The following MGA variants were observed in gnomAD, a reference collection of about 807,000 sequenced individuals.
MGA encodes the protein MAX dimerization protein MGA, also known as MAX gene-associated protein.
In MGA, 40 loss-of-function variants were observed where a neutral mutation model predicts 261.1. The observed-to-expected ratio is 0.15, with a 90% confidence interval of 0.12 to 0.20. The LOEUF (loss-of-function observed/expected upper bound fraction) is 0.20, where lower values mean the gene tolerates loss of function less well. MGA is among the 10% of genes least tolerant of loss of function. The pLI is 1.00. For synonymous variants in MGA, 1,302 were observed against 1,290.6 expected (o/e 1.01, Z -0.19); for missense variants, 3,397 against 3,630.5 (o/e 0.94, Z 1.65).
chr15:41,720,296 G>A (rs886299841), intron 9 of MGA, among the ~76,000 whole-genome samples: 2 of 152,292 alleles, frequency 1.3e-5, no homozygotes, highest in African/African-American at 4.8e-5. Context: ...AGCACTTTGT[G>A]GGGCCAAGGC....
At chr15:41,658,751 G>A (rs1042094240), upstream of MGA, among the ~76,000 whole-genome samples, 4 of 149,814 alleles carry the variant, frequency 2.7e-5, no homozygotes, top group African/African-American at 4.9e-5. Context: ...TTAGTTATAT[G>A]TTTGCCTGGT....
Position 41,747,012 on chromosome 15 carries a change from T to C in MGA, c.5213-1625T>C, listed in dbSNP as rs371187478. Among the ~76,000 whole-genome samples the C allele has an allele frequency of 3.3e-5, 5 of 152,172 alleles. No homozygotes were observed. The South Asian group carries it at 1.0e-3, about 32-fold the overall frequency. On this transcript the variant is annotated intron_variant, in intron 15 of 23. Coordinates refer to ENST00000219905, the MANE Select transcript of MGA (RefSeq NM_001164273.2). ...AGATTACTCATACTGTTTTTTCCTA[T>C]GTCTTTAGTATTTCGAAATATGTCT...
At chr15:41,694,733 T>G (rs896426623) in intron 2 of MGA, among the ~76,000 whole-genome samples, 2 of 152,048 alleles carry the variant, frequency 1.3e-5, no homozygotes, top group Non-Finnish European at 2.9e-5. Context: ...AGGATGGTCT[T>G]GATCTCCTGA....
chr15:41,674,646 A>G (rs541628280), intron 2 of MGA, among the ~76,000 whole-genome samples: 1 of 152,012 alleles, frequency 6.6e-6, no homozygotes, highest in East Asian at 1.9e-4. Flanking sequence ...CAGCCTCCTG[A>G]GTAGTTGGGA....
At position 41,694,901 on chromosome 15, in the gene MGA, G is replaced by A. The variant is rs373619176; in HGVS notation, c.1065-1174G>A. Among the ~76,000 whole-genome samples the A allele has an allele frequency of 2.5e-4, 38 of 152,246 alleles. No homozygotes were observed. In the East Asian group the frequency reaches 3.1e-3, roughly 12 times the overall value. On this transcript the variant is annotated intron_variant, in intron 2 of 23. Coordinates refer to ENST00000219905, the MANE Select transcript of MGA (RefSeq NM_001164273.2). The stretch of plus-strand genomic sequence containing the variant: ...TCCTGGCACCTCAGTCTTCTGAATA[G>A]CTGGTACTACAGGCGTGTGCCACCA...
intron 2 of MGA, among the ~76,000 whole-genome samples, chr15:41,676,198 T>C (rs903352415): frequency 1.3e-5 from 2 of 152,238 alleles, no homozygotes; most frequent in African/African-American, 4.8e-5. Flanking sequence ...TTTTTTTTTT[T>C]TTGAGACGAA....
chr15:41,667,026 A>C (rs1473145225), intron 1 of MGA, among the ~76,000 whole-genome samples: 1 of 152,184 alleles, frequency 6.6e-6, no homozygotes, highest in East Asian at 1.9e-4. Context: ...TTAGGGGAGA[A>C]TGCTGGTTGA....
At chr15:41,714,062 CTGTTA>C (rs2060509578) in intron 9 of MGA, among the ~76,000 whole-genome samples, 1 of 151,858 alleles carries the variant, frequency 6.6e-6, no homozygotes, top group Admixed American at 6.6e-5. Context: ...TTTTTCGTTT[CTGTTA>C]TATCTTTGTA....
intron 1 of MGA, among the ~76,000 whole-genome samples, chr15:41,662,812 CATATTAAGGAAT>C (rs144490866): frequency 0.15 from 22,862 of 152,086 alleles, 2,613 homozygotes; most frequent in East Asian, 0.68. Flanking sequence ...AGTGAAGGAT[CATATTAAGGAAT>C]ATACTAACAT....
At chr15:41,714,556 T>G (rs2151515708) in intron 9 of MGA, among the ~76,000 whole-genome samples, 1 of 152,314 alleles carries the variant, frequency 6.6e-6, no homozygotes, top group Middle Eastern at 3.4e-3. Flanking sequence ...CAGGCTGGAG[T>G]GCAGTGGCAT....
At chr15:41,660,765 T>A (rs2057343585) in intron 1 of MGA, among the ~76,000 whole-genome samples, 1 of 152,142 alleles carries the variant, frequency 6.6e-6, no homozygotes, top group Non-Finnish European at 1.5e-5. Context: ...GTCGCTCAGC[T>A]ACCTAACTGG....
chr15:41,758,845 T>C (rs1412489389), intron 19 of MGA, among the ~76,000 whole-genome samples: 1 of 152,092 alleles, frequency 6.6e-6, no homozygotes, highest in Non-Finnish European at 1.5e-5. Context: ...ATTAGAAACA[T>C]CAGAGGGAAA....
chr15:41,749,830 A>C lies in MGA; in HGVS notation c.6223A>C (p.Lys2075Gln). The change falls in exon 17 of 24, where the codon AAG (lysine) becomes CAG (glutamine). Residue 2075 changes from lysine to glutamine, a missense_variant. Coordinates refer to ENST00000219905, the MANE Select transcript of MGA (RefSeq NM_001164273.2). ...TGAAGAATATGGGGCTAGGAATCGTAAGAGTTCCAAAGAAAAAGTGGCTGT... is the reference window on the plus strand; with the variant it reads ...TGAAGAATATGGGGCTAGGAATCGTCAGAGTTCCAAAGAAAAAGTGGCTGT... 1 of 1,613,976 alleles carries C rather than the reference A, an allele frequency of 6.2e-7. No individual in the cohort carries two copies. The highest frequency in any genetic ancestry group is 2.2e-5 in the East Asian group (1 of 44,880).
intron 1 of MGA, among the ~76,000 whole-genome samples, chr15:41,625,671 G>A (rs2056431926): frequency 6.6e-6 from 1 of 152,076 alleles, no homozygotes; most frequent in African/African-American, 2.4e-5. Flanking sequence ...CCATGATTGT[G>A]CCACTGCACT....
At chr15:41,657,685 C>CA (rs67776808), upstream of MGA, among the ~76,000 whole-genome samples, 14 of 149,400 alleles carry the variant, frequency 9.4e-5, no homozygotes, top group African/African-American at 2.5e-4. Context: ...CAAAACAAAA[C>CA]AAAAAAAAAA....
At chr15:41,716,803 GT>G (rs1348348926) in intron 9 of MGA, among the ~76,000 whole-genome samples, 1 of 151,946 alleles carries the variant, frequency 6.6e-6, no homozygotes, top group Non-Finnish European at 1.5e-5. Flanking sequence ...CTTTAGCACA[GT>G]TTTTTGTGTG....
chr15:41,693,551 A>G (rs1170171810), intron 2 of MGA, among the ~76,000 whole-genome samples: 1 of 152,180 alleles, frequency 6.6e-6, no homozygotes, highest in African/African-American at 2.4e-5. Context: ...TTTAAGTTTT[A>G]TAAAGTTTTA....
At chr15:41,656,405 G>A (rs1036146472), upstream of MGA, among the ~76,000 whole-genome samples, 1 of 113,650 alleles carries the variant, frequency 8.8e-6, no homozygotes, top group Non-Finnish European at 1.9e-5. Flanking sequence ...GCAGTGGCAT[G>A]ATCTTGACTC....
chr15:41,765,125 C>T, intron 23 of MGA, 63 bp downstream of exon 23: 2 of 1,554,446 alleles, frequency 1.3e-6, no homozygotes, highest in Non-Finnish European at 1.8e-6. Flanking sequence ...CTCACGGTGA[C>T]CAAGGAAGGC....
Sources: allele counts gnomAD v4.1 joint callset (sites outside exome capture counted in the v4.1 genomes callset), GRCh38; gene constraint gnomAD v4.1.1; transcripts MANE v1.5; gene names NCBI Gene and HGNC (gene_info 2026-07-23, HGNC 2026-07-21).